IL1RAPL1: variants seen among roughly 807,000 people sequenced by gnomAD.
IL1RAPL1 encodes interleukin 1 receptor accessory protein like 1.
Under a neutral mutation model 48.4 loss-of-function variants are expected in IL1RAPL1, and 3 were observed. The observed-to-expected ratio is 0.06, with a 90% CI of 0.03 to 0.16. The LOEUF is 0.16. Among genes scored for constraint, IL1RAPL1 ranks in the 10% least tolerant of loss-of-function variants. The pLI is 1.00. For missense variants in IL1RAPL1, 349 were observed against 530.6 expected (o/e 0.66, Z 3.36); for synonymous variants, 185 against 187.7 (o/e 0.99, Z 0.12).
At chrX:29,705,249 G>A (rs889966209) in intron 6 of IL1RAPL1, among the ~76,000 whole-genome samples, 3 of 111,413 alleles carry the variant, frequency 2.7e-5, no homozygotes, top group African/African-American at 9.8e-5. Context: ...GAGTCTTGCT[G>A]TGTCGCCCAG....
At chrX:29,397,926 T>G (rs191942099) in intron 4 of IL1RAPL1, among the ~76,000 whole-genome samples, 10 of 112,288 alleles carry the variant, frequency 8.9e-5, no homozygotes, top group African/African-American at 3.2e-4. Context: ...GTGTAAAAAG[T>G]GGCTGGTCCT....
At chrX:29,617,869 A>G (rs1924336429) in intron 5 of IL1RAPL1, among the ~76,000 whole-genome samples, 1 of 111,926 alleles carries the variant, frequency 8.9e-6, no homozygotes, top group Non-Finnish European at 1.9e-5. Context: ...ACTGCTTCCA[A>G]CATTGAGATT....
intron 6 of IL1RAPL1, among the ~76,000 whole-genome samples, chrX:29,863,422 C>A (rs192183565): frequency 4.5e-4 from 50 of 111,281 alleles, no homozygotes; most frequent in African/African-American, 1.6e-3. Flanking sequence ...GGACTACAGG[C>A]CAGGAGTAAA....
intron 2 of IL1RAPL1, among the ~76,000 whole-genome samples, chrX:29,117,307 T>C (rs2147474436): frequency 8.9e-6 from 1 of 112,046 alleles, no homozygotes; most frequent in African/African-American, 3.2e-5. Flanking sequence ...ATACTGTCTA[T>C]ACATAATAGA....
chrX:29,906,489 AT>A (rs1932629000), intron 6 of IL1RAPL1, among the ~76,000 whole-genome samples: 2 of 37,751 alleles, frequency 5.3e-5, no homozygotes, highest in South Asian at 1.6e-3. Flanking sequence ...ATATATATAT[AT>A]ATATATATAT....
chrX:29,686,899 G>T (rs773010889), intron 6 of IL1RAPL1, among the ~76,000 whole-genome samples: 12 of 109,718 alleles, frequency 1.1e-4, no homozygotes, highest in Non-Finnish European at 1.9e-4. Context: ...GCTGAGCAAG[G>T]TCTGCAAATT....
intron 2 of IL1RAPL1, among the ~76,000 whole-genome samples, chrX:29,162,551 T>C (rs1028239071): frequency 9.1e-6 from 1 of 109,987 alleles, no homozygotes; most frequent in South Asian, 3.8e-4. Flanking sequence ...CATATATTAC[T>C]ATATTAATAT....
At chrX:29,218,713 CAG>C (rs767889311) in intron 2 of IL1RAPL1, among the ~76,000 whole-genome samples, 1 of 111,845 alleles carries the variant, frequency 8.9e-6, no homozygotes, top group Non-Finnish European at 1.9e-5. Flanking sequence ...ATTCAAGAAA[CAG>C]AGTTAATATC....
At chrX:29,541,567 T>C (rs1037847159) in intron 5 of IL1RAPL1, among the ~76,000 whole-genome samples, 1 of 111,682 alleles carries the variant, frequency 9.0e-6, no homozygotes, top group East Asian at 2.8e-4. Context: ...AAAGAAAGTA[T>C]AATATATATT....
At chrX:29,053,318 A>C (rs1927138908) in intron 2 of IL1RAPL1, among the ~76,000 whole-genome samples, 1 of 111,827 alleles carries the variant, frequency 8.9e-6, no homozygotes, top group Admixed American at 9.5e-5. Flanking sequence ...TTGCTATTGT[A>C]AATAGTGCTG....
chrX:29,897,861 A>G (rs1380855786), intron 6 of IL1RAPL1, among the ~76,000 whole-genome samples: 1 of 112,084 alleles, frequency 8.9e-6, no homozygotes, highest in East Asian at 2.8e-4. Context: ...TTCTGTGACT[A>G]CAGATTGTTG....
intron 6 of IL1RAPL1, among the ~76,000 whole-genome samples, chrX:29,722,324 CT>C (rs1927657119): frequency 8.9e-6 from 1 of 111,907 alleles, no homozygotes; most frequent in Non-Finnish European, 1.9e-5. Context: ...AATTAAAATA[CT>C]TTTTTCAGAT....
intron 5 of IL1RAPL1, among the ~76,000 whole-genome samples, chrX:29,661,548 A>C (rs1925849250): frequency 8.9e-6 from 1 of 112,420 alleles, no homozygotes; most frequent in Admixed American, 9.4e-5. Flanking sequence ...GATCACAAGG[A>C]GATGAGTCAT....
In IL1RAPL1 at chrX:29,576,570, C is replaced by T. The variant is rs1339430721; in HGVS notation, c.704-91860C>T. On this transcript the variant is annotated intron_variant, in intron 5 of 10. Coordinates refer to ENST00000378993, the MANE Select transcript of IL1RAPL1 (RefSeq NM_014271.4). ...TTATGATTATTAAAACATACAGGTC[C>T]TTAGCACCATATAACGATTCTGTTT... is the stretch of plus-strand genomic sequence containing the variant. 5.4e-5 allele frequency among the ~76,000 whole-genome samples: 6 copies of T among 111,244 alleles called. No homozygotes were observed. In the East Asian group the frequency reaches 1.4e-3, roughly 26 times the overall value.
At chrX:29,599,366 A>G (rs765110516) in intron 5 of IL1RAPL1, among the ~76,000 whole-genome samples, 8 of 112,213 alleles carry the variant, frequency 7.1e-5, no homozygotes, top group Non-Finnish European at 1.5e-4. Flanking sequence ...TGTAGCTTGT[A>G]GGGTTTCTGC....
chrX:29,284,540 C>T (rs1259017255), intron 3 of IL1RAPL1, among the ~76,000 whole-genome samples: 2 of 111,503 alleles, frequency 1.8e-5, no homozygotes, highest in South Asian at 3.8e-4. Flanking sequence ...GCGAGGAGTT[C>T]GAGACCGGCC....
chrX:28,820,787 G>A (rs1936928332), intron 2 of IL1RAPL1, among the ~76,000 whole-genome samples: 1 of 111,225 alleles, frequency 9.0e-6, no homozygotes, highest in South Asian at 3.8e-4. Flanking sequence ...TCACTCAGGA[G>A]CTGCCACGGA....
chrX:28,933,282 CT>C (rs1474270260), intron 2 of IL1RAPL1, among the ~76,000 whole-genome samples: 2 of 111,067 alleles, frequency 1.8e-5, no homozygotes, highest in African/African-American at 6.6e-5. Flanking sequence ...GCTTTCAGAT[CT>C]TTTCCACTGG....
intron 1 of IL1RAPL1, among the ~76,000 whole-genome samples, chrX:28,698,608 T>G (rs1049758175): frequency 9.0e-6 from 1 of 111,607 alleles, no homozygotes; most frequent in African/African-American, 3.2e-5. Context: ...AAAAATAGGC[T>G]ACCTGTCTTA....
Sources: allele counts gnomAD v4.1 joint callset (sites outside exome capture counted in the v4.1 genomes callset), GRCh38; gene constraint gnomAD v4.1.1; transcripts MANE v1.5; gene names NCBI Gene and HGNC (gene_info 2026-07-23, HGNC 2026-07-21).